Variants in PPFIA4 observed in about 807,000 individuals in gnomAD.
The protein encoded by PPFIA4 is liprin-alpha-4.
PPFIA4 carries 98 observed loss-of-function variants against 145.7 expected under a neutral mutation model. That is an observed-to-expected ratio of 0.67 (90% CI 0.57 to 0.80). PPFIA4 has a LOEUF of 0.80. Among genes scored for constraint, PPFIA4 ranks in the 30% least tolerant of loss-of-function variants. The probability of loss-of-function intolerance (pLI) is 0.00; values close to 1 mark genes in which losing one functional copy is unlikely to be tolerated. For synonymous variants in PPFIA4, 628 were observed against 649.6 expected, an observed-to-expected ratio of 0.97 and a Z score of 0.51; for missense variants, 1,457 against 1,632.7, an observed-to-expected ratio of 0.89 and a Z score of 1.85.
At chr1:203,042,876 T>TCAG (rs1659800562) in intron 2 of PPFIA4, among the ~76,000 whole-genome samples, 1 of 152,166 alleles carries the variant, frequency 6.6e-6, no homozygotes, top group South Asian at 2.1e-4. Flanking sequence ...TGACCTCAGG[T>TCAG]GATCTGCCCG....
At chr1:203,064,046 C>G (rs1279054776) in intron 25 of PPFIA4, 43 bp downstream of exon 25, 3 of 1,585,084 alleles carry the variant, frequency 1.9e-6, no homozygotes, top group Non-Finnish European at 2.6e-6. Context: ...TCGTGGGGGC[C>G]TCCCCTAGCT....
At position 203,039,234 on chromosome 1, in the gene PPFIA4, C is replaced by T. The variant is rs762900361; in HGVS notation, c.226C>T (p.Leu76Phe). Residue 76 changes from leucine to phenylalanine, a missense_variant, in exon 2 of 30, where the codon CTC becomes TTC. By Grantham distance (22) the Leu-to-Phe change is conservative. This residue lies in a region of PPFIA4 where 463 missense variants were observed against 459.8 expected (regional missense o/e 1.01). Coordinates refer to ENST00000295706, the MANE Select transcript of PPFIA4 (RefSeq NM_001304331.2). ...DQLQRHLNSA[L>F]PQEFATLTRE... is the part of the protein sequence containing the mutation. ...GCTCCAGCGCCACCTTAACTCCGCCCTCCCCCAGGTAAGGCCCGAAGGCCT... is the reference window on the plus strand; with the variant it reads ...GCTCCAGCGCCACCTTAACTCCGCCTTCCCCCAGGTAAGGCCCGAAGGCCT... The T allele has an allele frequency of 2.5e-6, 4 of 1,585,726 alleles. No homozygotes were observed. The highest frequency in any genetic ancestry group is 2.7e-5 in the African/African-American group (2 of 74,026).
intron 27 of PPFIA4, among the ~76,000 whole-genome samples, chr1:203,070,488 G>A (rs978601560): frequency 6.6e-6 from 1 of 151,414 alleles, no homozygotes; most frequent in Admixed American, 6.6e-5. Flanking sequence ...AGGCTGAGGC[G>A]GGAGTTTTGC....
chr1:203,059,367 G>C (rs1661205867), intron 20 of PPFIA4, 96 bp downstream of exon 20: 2 of 1,098,196 alleles, frequency 1.8e-6, no homozygotes, highest in Non-Finnish European at 2.7e-6. Context: ...CAGAGACCCA[G>C]ACCCCAGCAA....
In PPFIA4 at chr1:203,048,524, G is replaced by T. The variant is rs1188747761; in HGVS notation, c.1225-59G>T. On this transcript the variant is annotated intron_variant, in intron 10 of 29. Transcript: ENST00000295706. The surrounding 1 kb of genome is among the most constrained non-coding windows in gnomAD (Gnocchi z 5.8). The stretch of plus-strand genomic sequence containing the variant: ...GGACAGGGGAGGGAGTCAAACCCCA[G>T]CAGGAGAGGGTGGTCCTCCCTGGGA... The T allele has an allele frequency of 1.9e-6, 3 of 1,551,150 alleles. No individual in the cohort carries two copies. Among genetic ancestry groups the T allele is most frequent in the African/African-American group, 1.4e-5 (1 of 73,210 alleles).
In PPFIA4 at chr1:203,039,017, G is replaced by A. The variant is rs755935650; in HGVS notation, c.9G>A (p.Glu3=). The A allele has an allele frequency of 6.5e-7, 1 of 1,536,716 alleles. No homozygotes were observed. The highest frequency in any genetic ancestry group is 1.2e-5 in the South Asian group (1 of 81,700). MC[E]VMPTINEGDR... Reference sequence around the variant, plus strand: ...CCCTGCCAACCCCCACCATGTGTGAGGTGATGCCCACAATCAATGAGGGGG... The same window carrying A: ...CCCTGCCAACCCCCACCATGTGTGAAGTGATGCCCACAATCAATGAGGGGG... The change falls in exon 2 of 30, where the codon GAG becomes GAA. Residue 3 remains glutamate, a synonymous_variant. Coordinates refer to ENST00000295706, the MANE Select transcript of PPFIA4 (RefSeq NM_001304331.2).
rs577909663 is a variant in PPFIA4 at position 203,035,242 on chromosome 1, C to T, written c.-399-3368C>T. 2.2e-5 allele frequency: 10 copies of T among 456,030 alleles called. No homozygotes were observed. In the Middle Eastern group the frequency reaches 9.8e-4, roughly 45 times the overall value. The allele number at this position is 456,030 out of a possible 1,614,324, so 28.2% of individuals were successfully genotyped here. A position where few individuals can be genotyped will look rare whatever the true frequency, so the allele number is the denominator to read the frequency against. ...ATAGCCCCTCAGACGCTCCTAGCGGCCCTGCCCCGGGCTGTGGTCTCCGCA... is the reference window on the plus strand; with the variant it reads ...ATAGCCCCTCAGACGCTCCTAGCGGTCCTGCCCCGGGCTGTGGTCTCCGCA... On this transcript the variant is annotated intron_variant, in intron 1 of 29. Coordinates refer to ENST00000295706, the MANE Select transcript of PPFIA4 (RefSeq NM_001304331.2).
intron 25 of PPFIA4, 80 bp downstream of exon 25, chr1:203,064,083 G>A (rs1661575186): frequency 2.0e-6 from 3 of 1,468,326 alleles, no homozygotes; most frequent in Admixed American, 2.1e-5. Flanking sequence ...AGGAACAGAG[G>A]TGCCTCCATC....
At chr1:203,056,179 G>T in intron 17 of PPFIA4, 24 bp downstream of exon 17, 2 of 1,613,820 alleles carry the variant, frequency 1.2e-6, no homozygotes. Flanking sequence ...GATGGCCCAG[G>T]TACTAACGGG....
chr1:203,056,351 C>G (rs551277085), intron 17 of PPFIA4, 24 bp from the exon 18 acceptor site: 1 of 1,612,372 alleles, frequency 6.2e-7, no homozygotes, highest in Non-Finnish European at 8.5e-7. Context: ...CCTCTATCCC[C>G]TGACGGCTCC....
rs536785469 is a variant in PPFIA4 at position 203,035,107 on chromosome 1, C to T, written c.-399-3503C>T. Reference sequence around the variant, plus strand: ...GACCATTATTTTTCTGGAAGACCCCCGCCCTCCCCATTTCTTCAGATCCTC... The same window carrying T: ...GACCATTATTTTTCTGGAAGACCCCTGCCCTCCCCATTTCTTCAGATCCTC... On this transcript the variant is annotated intron_variant, in intron 1 of 29. Transcript: ENST00000295706. 3 of 350,704 alleles carry T rather than the reference C, an allele frequency of 8.6e-6. No individual in the cohort carries two copies. In the East Asian group the frequency reaches 2.3e-4, roughly 27 times the overall value. The allele number at this position is 350,704 out of a possible 1,614,324, so 21.7% of individuals were successfully genotyped here.
Position 203,063,811 on chromosome 1 carries a change from G to A in PPFIA4, c.2875-17G>A, listed in dbSNP as rs773823567. 3 of 1,613,408 alleles carry A rather than the reference G, an allele frequency of 1.9e-6. No homozygotes were observed. The Admixed American group carries it at 5.0e-5, about 27-fold the overall frequency. Reference sequence around the variant, plus strand: ...CCTTCCTCCCCCATAATAGCCTCCTGCATCTCATTTCCCTAGACCCTGGCC... The same window carrying A: ...CCTTCCTCCCCCATAATAGCCTCCTACATCTCATTTCCCTAGACCCTGGCC... On this transcript the variant is annotated splice_polypyrimidine_tract_variant and intron_variant, in intron 24 of 29. Transcript: ENST00000295706.
Position 203,068,723 on chromosome 1 carries a change from G to C in PPFIA4, c.3324+95G>C, listed in dbSNP as rs187319579. ...CATACACAAAGGCTTAGGTATCTTG[G>C]GGGGTGGGGAGCTTTTCTAGGGCCT... On this transcript the variant is annotated intron_variant, in intron 27 of 29. Transcript: ENST00000295706. The surrounding 1 kb of genome is among the most constrained non-coding windows in gnomAD (Gnocchi z 4.7). The C allele has an allele frequency of 3.6e-4, 469 of 1,303,828 alleles. No homozygotes were observed. The highest frequency in any genetic ancestry group is 4.4e-4 in the Non-Finnish European group (436 of 993,904). 80.8% of individuals were successfully genotyped at this position (1,303,828 alleles called of 1,614,324 possible).
chr1:203,051,395 C>G, intron 13 of PPFIA4: 1 of 849,428 alleles, frequency 1.2e-6, no homozygotes, highest in Admixed American at 5.8e-5. Context: ...GTGCCTGGAG[C>G]CCTCCTGCGC....
Position 203,060,532 on chromosome 1 carries a change from A to G in PPFIA4, c.2784+115A>G, listed in dbSNP as rs1342915008. ...CATTGAGCCCTGCCCCTTCCTTCCC[A>G]TCCTCACAAAGGGCTCTCCCTGGTC... On this transcript the variant is annotated intron_variant, in intron 22 of 29. Coordinates refer to ENST00000295706, the MANE Select transcript of PPFIA4 (RefSeq NM_001304331.2). This position sits in a 1 kb window ranked among gnomAD's most constrained non-coding sequence, Gnocchi z 4.8. 9.2e-7 allele frequency: 1 copy of G among 1,086,156 alleles called. No individual in the cohort carries two copies. Among genetic ancestry groups the G allele is most frequent in the Non-Finnish European group, 1.4e-6 (1 of 739,078 alleles). The allele number at this position is 1,086,156 out of a possible 1,614,324, so 67.3% of individuals were successfully genotyped here.
chr1:203,035,094 T>C (rs1377933590), intron 1 of PPFIA4: 3 of 347,994 alleles, frequency 8.6e-6, no homozygotes, highest in Non-Finnish European at 1.7e-5. Context: ...CCATTATTTT[T>C]CTGGAAGACC....
chr1:203,049,863 A>G (rs1660371715), intron 13 of PPFIA4, 96 bp downstream of exon 13: 1 of 1,078,532 alleles, frequency 9.3e-7, no homozygotes, highest in Non-Finnish European at 1.3e-6. Context: ...CCAGGACCTC[A>G]GGGTCCTCCT....
Position 203,045,933 on chromosome 1 carries a change from C to T in PPFIA4, c.951C>T (p.Asp317=). 1 of 1,612,844 alleles carries T rather than the reference C, an allele frequency of 6.2e-7. No homozygotes were observed. Among genetic ancestry groups the T allele is most frequent in the Non-Finnish European group, 8.5e-7 (1 of 1,179,874 alleles). The change falls in exon 8 of 30, where the codon GAC becomes GAT. Residue 317 remains aspartate, a synonymous_variant. Transcript: ENST00000295706. ...AAQREATSIH[D]LNDKLENELA... is the part of the protein sequence containing the mutation. ...AGCGTGAGGCAACATCCATCCATGACCTCAATGACAAGCTGGAGAATGAGC... is the reference window on the plus strand; with the variant it reads ...AGCGTGAGGCAACATCCATCCATGATCTCAATGACAAGCTGGAGAATGAGC...
chr1:203,052,696 T>G (rs773823475), intron 14 of PPFIA4, among the ~76,000 whole-genome samples: 2 of 152,208 alleles, frequency 1.3e-5, no homozygotes, highest in Non-Finnish European at 2.9e-5. Flanking sequence ...CTAGGGGGCT[T>G]GGGTCATAGA....
Sources: gnomAD v4.1 joint callset for allele counts (sites outside exome capture counted in the v4.1 genomes callset) on GRCh38, gnomAD v4.1.1 for gene constraint, gnomAD v4.1.1 regional missense constraint, Gnocchi (gnomAD v3.1) non-coding constraint, MANE v1.5 for transcripts, NCBI Gene and HGNC (gene_info 2026-07-23, HGNC 2026-07-21) for gene names.